DPYD: variants seen among roughly 807,000 people sequenced by gnomAD.
DPYD encodes the protein dihydropyrimidine dehydrogenase [NADP(+)].
In DPYD, 109 loss-of-function variants were observed where a neutral mutation model predicts 116.2. The observed-to-expected ratio is 0.94, with a 90% CI of 0.80 to 1.10. The LOEUF (loss-of-function observed/expected upper bound fraction) is 1.10. Among genes scored for constraint, DPYD ranks in the 50% least tolerant of loss-of-function variants. The probability of loss-of-function intolerance (pLI) is 0.00; values close to 1 mark genes in which losing one functional copy is unlikely to be tolerated. For missense variants in DPYD, 1,302 were observed against 1,254.5 expected (o/e 1.04, Z -0.57); for synonymous variants, 440 against 432.0 (o/e 1.02, Z -0.23).
chr1:97,645,562 G>A (rs991159176), intron 8 of DPYD, among the ~76,000 whole-genome samples: 1 of 151,760 alleles, frequency 6.6e-6, no homozygotes, highest in African/African-American at 2.4e-5. Context: ...ATGCATTTGT[G>A]TCTGTTTCTG....
intron 18 of DPYD, among the ~76,000 whole-genome samples, chr1:97,263,759 A>G (rs1664039575): frequency 6.6e-6 from 1 of 152,104 alleles, no homozygotes; most frequent in Admixed American, 6.6e-5. Context: ...AATTAATTGG[A>G]CATCTACATT....
intron 19 of DPYD, among the ~76,000 whole-genome samples, chr1:97,196,543 C>A (rs893196271): frequency 2.6e-5 from 4 of 152,116 alleles, no homozygotes; most frequent in Non-Finnish European, 5.9e-5. Context: ...AATGATTATG[C>A]GATGAGAATA....
intron 21 of DPYD, 56 bp from the exon 22 acceptor site, chr1:97,082,526 T>C: frequency 6.3e-7 from 1 of 1,591,204 alleles, no homozygotes; most frequent in Non-Finnish European, 8.6e-7. Context: ...TTTCATGTAA[T>C]AATTAATATC....
At chr1:97,556,620 C>A (rs1297917672) in intron 11 of DPYD, among the ~76,000 whole-genome samples, 1 of 149,212 alleles carries the variant, frequency 6.7e-6, no homozygotes, top group East Asian at 2.0e-4. Context: ...GTTTTTTGTT[C>A]TTGCGATAGT....
At chr1:97,100,121 G>T (rs1242659780) in intron 20 of DPYD, among the ~76,000 whole-genome samples, 2 of 152,058 alleles carry the variant, frequency 1.3e-5, no homozygotes, top group Non-Finnish European at 2.9e-5. Flanking sequence ...AGGATGGAGG[G>T]AGATAGTATT....
chr1:97,461,955 T>C (rs565115000), intron 13 of DPYD, among the ~76,000 whole-genome samples: 1 of 152,340 alleles, frequency 6.6e-6, no homozygotes, highest in East Asian at 1.9e-4. Context: ...TGAAAACAAG[T>C]AAACTGAAGG....
At chr1:97,559,031 T>C (rs1651942567) in intron 11 of DPYD, among the ~76,000 whole-genome samples, 1 of 152,162 alleles carries the variant, frequency 6.6e-6, no homozygotes, top group African/African-American at 2.4e-5. Context: ...GCAAACTGCT[T>C]GAAGGAATAG....
At chr1:97,446,334 G>T (rs1217689060) in intron 14 of DPYD, among the ~76,000 whole-genome samples, 2 of 152,268 alleles carry the variant, frequency 1.3e-5, no homozygotes, top group East Asian at 3.9e-4. Flanking sequence ...AGGCTCCCAA[G>T]CTTCGCCAGA....
intron 16 of DPYD, among the ~76,000 whole-genome samples, chr1:97,333,440 C>T (rs543526793): frequency 5.3e-5 from 8 of 151,518 alleles, no homozygotes; most frequent in East Asian, 1.9e-4. Context: ...CCTTGTGATC[C>T]GCCCTTCTCG....
At chr1:97,644,700 T>G (rs1468239457) in intron 8 of DPYD, among the ~76,000 whole-genome samples, 1 of 151,714 alleles carries the variant, frequency 6.6e-6, no homozygotes, top group African/African-American at 2.4e-5. Context: ...CCTCATGATC[T>G]GCCCACCTCA....
At chr1:97,868,280 C>T (rs1182511961) in intron 2 of DPYD, among the ~76,000 whole-genome samples, 1 of 151,540 alleles carries the variant, frequency 6.6e-6, no homozygotes, top group East Asian at 1.9e-4. Flanking sequence ...CATTAAATAC[C>T]TTGACAAATG....
intron 11 of DPYD, among the ~76,000 whole-genome samples, chr1:97,563,454 C>T (rs916157072): frequency 2.0e-5 from 3 of 152,154 alleles, no homozygotes; most frequent in Admixed American, 6.6e-5. Flanking sequence ...GAAACAATTA[C>T]GTTATTTTTT....
intron 13 of DPYD, among the ~76,000 whole-genome samples, chr1:97,485,079 T>C (rs955074694): frequency 1.4e-4 from 22 of 152,356 alleles, no homozygotes; most frequent in African/African-American, 4.8e-4. Context: ...CTGTTTGAGA[T>C]TCATTGAGCT....
At chr1:97,299,516 C>A (rs1376113535) in intron 18 of DPYD, among the ~76,000 whole-genome samples, 2 of 152,040 alleles carry the variant, frequency 1.3e-5, no homozygotes, top group Admixed American at 6.6e-5. Flanking sequence ...TACCATTTAT[C>A]TGCAGGACAA....
intron 20 of DPYD, among the ~76,000 whole-genome samples, chr1:97,157,676 G>A (rs1334617504): frequency 9.2e-5 from 14 of 152,124 alleles, no homozygotes. Flanking sequence ...CAGGAAATAT[G>A]TATTCCATGG....
At chr1:97,474,775 A>G (rs1227758867) in intron 13 of DPYD, among the ~76,000 whole-genome samples, 1 of 151,812 alleles carries the variant, frequency 6.6e-6, no homozygotes, top group Admixed American at 6.6e-5. Context: ...ATTTAATCTG[A>G]ATGAGATATA....
At chr1:97,690,445 A>T (rs887151925) in intron 7 of DPYD, among the ~76,000 whole-genome samples, 26 of 151,914 alleles carry the variant, frequency 1.7e-4, no homozygotes, top group Non-Finnish European at 1.5e-4. Flanking sequence ...ATTTTTTATT[A>T]ATATATAATA....
intron 5 of DPYD, among the ~76,000 whole-genome samples, chr1:97,705,244 C>T (rs994387672): frequency 8.6e-5 from 13 of 151,930 alleles, no homozygotes; most frequent in African/African-American, 3.1e-4. Flanking sequence ...AACTCGTCAT[C>T]TAGCATTAGG....
intron 3 of DPYD, among the ~76,000 whole-genome samples, chr1:97,809,274 A>T (rs1668234173): frequency 6.6e-6 from 1 of 152,220 alleles, no homozygotes; most frequent in Admixed American, 6.5e-5. Context: ...AAAAACACTG[A>T]TGCTAACTGC....
Sources: gnomAD v4.1 joint callset for allele counts (sites outside exome capture counted in the v4.1 genomes callset) on GRCh38, gnomAD v4.1.1 for gene constraint, MANE v1.5 for transcripts, NCBI Gene and HGNC (gene_info 2026-07-23, HGNC 2026-07-21) for gene names.